Variants in LRP1 observed in about 807,000 individuals in gnomAD.
LRP1 encodes LDL receptor related protein 1, also known as prolow-density lipoprotein receptor-related protein 1.
In LRP1, 51 loss-of-function variants were observed where a neutral mutation model predicts 541.5. The ratio of observed to expected loss-of-function variants is 0.09; its 90% CI spans 0.08 to 0.12. LRP1 has a LOEUF of 0.12. Among genes scored for constraint, LRP1 ranks in the 10% least tolerant of loss-of-function variants. The pLI, the probability that LRP1 is intolerant of heterozygous loss-of-function variation, is 1.00. For synonymous variants in LRP1, 2,219 were observed against 2,470.8 expected, an observed-to-expected ratio of 0.90 and a Z score of 3.02; for missense variants, 3,878 against 6,376.2, an observed-to-expected ratio of 0.61 and a Z score of 13.34.
Position 57,167,522 on chromosome 12 carries a change from A to C in LRP1, c.2993A>C (p.Asn998Thr). ...RCININWRCD[N>T]DNDCGDNSDE... The stretch of plus-strand genomic sequence containing the variant: ...ATCAACATCAACTGGAGATGCGACA[A>C]TGGTAAGAGCTTGCTCTCCTCACCT... The change falls in exon 19 of 89, where the codon AAT becomes ACT. Residue 998 changes from asparagine (N) to threonine (T), a missense_variant and splice_region_variant. By Grantham distance (65) the Asn-to-Thr change is moderately conservative. Transcript: ENST00000243077. 1 of 1,613,424 alleles carries C rather than the reference A, an allele frequency of 6.2e-7. No homozygotes were observed. The highest frequency in any genetic ancestry group is 8.5e-7 in the Non-Finnish European group (1 of 1,179,330).
At position 57,154,423 on chromosome 12, in the gene LRP1, A is replaced by G; in HGVS notation, c.1004+53A>G. 2.5e-6 allele frequency: 4 copies of G among 1,604,044 alleles called. No homozygotes were observed. The South Asian group carries it at 4.4e-5, about 18-fold the overall frequency. On this transcript the variant is annotated intron_variant, in intron 7 of 88. Coordinates refer to ENST00000243077, the MANE Select transcript of LRP1 (RefSeq NM_002332.3). The surrounding 1 kb of genome is among the most constrained non-coding windows in gnomAD (Gnocchi z 4.6). ...CTGGAAGGTGGGAGGCTGAGGCTAC[A>G]GTGGTAAGGAGGGTGCCCAATGTCC...
rs1050765087 is a variant in LRP1, at chr12:57,204,338, C to T, written c.10952-72C>T. On this transcript the variant is annotated intron_variant, in intron 70 of 88. Coordinates refer to ENST00000243077, the MANE Select transcript of LRP1 (RefSeq NM_002332.3). This position sits in a 1 kb window ranked among gnomAD's most constrained non-coding sequence, Gnocchi z 5.3. The stretch of plus-strand genomic sequence containing the variant: ...CCTGGTGACCCCTCTGAGCCTGGAA[C>T]CCCCACCTGTGGAGACAGGGGTCTG... The T allele has an allele frequency of 3.4e-6, 5 of 1,450,770 alleles. No individual in the cohort carries two copies. The highest frequency in any genetic ancestry group is 3.6e-6 in the Non-Finnish European group (4 of 1,095,972). The allele number at this position is 1,450,770 out of a possible 1,614,324, so 89.9% of individuals were successfully genotyped here.
In LRP1 at chr12:57,189,010, G is replaced by T. The variant is rs1311208921; in HGVS notation, c.7031+1554G>T. Among the ~76,000 whole-genome samples, 1 of 152,214 alleles carries T rather than the reference G, an allele frequency of 6.6e-6. No individual in the cohort carries two copies. The highest frequency in any genetic ancestry group is 1.9e-4 in the East Asian group (1 of 5,190). Reference sequence around the variant, plus strand: ...GTGGACCCCAGTGGAGAGGGCAGGGGCAAGTGGAGACTCCAACAACCCAGC... The same window carrying T: ...GTGGACCCCAGTGGAGAGGGCAGGGTCAAGTGGAGACTCCAACAACCCAGC... On this transcript the variant is annotated intron_variant, in intron 42 of 88. Coordinates refer to ENST00000243077, the MANE Select transcript of LRP1 (RefSeq NM_002332.3). This position sits in a 1 kb window ranked among gnomAD's most constrained non-coding sequence, Gnocchi z 4.4.
chr12:57,207,919 A>T, intron 76 of LRP1, 119 bp from the exon 77 acceptor site: 2 of 1,154,360 alleles, frequency 1.7e-6, no homozygotes, highest in Non-Finnish European at 2.5e-6. Context: ...GAATCTCTTT[A>T]AAGCCAGGGT....
rs961049125 is a variant in LRP1 at position 57,129,196 on chromosome 12, T to C, written c.67+165T>C. The C allele has an allele frequency of 7.9e-5, 56 of 712,634 alleles. No homozygotes were observed. In the African/African-American group the frequency reaches 9.0e-4, roughly 11 times the overall value. The allele number at this position is 712,634 out of a possible 1,614,324, so 44.1% of individuals were successfully genotyped here. A position where few individuals can be genotyped will look rare whatever the true frequency, so the allele number is the denominator to read the frequency against. ...ACTGGGGGCGGGGATGGGGTCCGAT[T>C]TGGGGGATGGGGGCCCTGGGCAAAT... On this transcript the variant is annotated intron_variant, in intron 1 of 88. Transcript: ENST00000243077.
At chr12:57,187,174 A>T in intron 41 of LRP1, 93 bp from the exon 42 acceptor site, 1 of 1,333,070 alleles carries the variant, frequency 7.5e-7, no homozygotes, top group East Asian at 2.4e-5. Context: ...CCTTCCAGCC[A>T]GGAGAGCACC....
chr12:57,201,585 C>T lies in LRP1; in HGVS notation c.10434C>T (p.Asp3478=), dbSNP rs35617674. The T allele has an allele frequency of 1.7e-3, 2,688 of 1,614,056 alleles. 32 individuals are homozygous for T. In the African/African-American group the frequency reaches 0.031, roughly 19 times the overall value. Residue 3478 remains aspartate, a synonymous_variant, in exon 66 of 89, where the codon GAC becomes GAT. Transcript: ENST00000243077. The surrounding 1 kb of genome is among the most constrained non-coding windows in gnomAD (Gnocchi z 6.4). ...TCTGGGTCTGCGACCGGGACAATGACTGTGTGGATGGCAGTGATGAGCCCG... is the reference window on the plus strand; with the variant it reads ...TCTGGGTCTGCGACCGGGACAATGATTGTGTGGATGGCAGTGATGAGCCCG... ...PRVWVCDRDN[D]CVDGSDEPAN... is the part of the protein sequence containing the mutation.
chr12:57,145,764 G>A (rs1011214400), intron 6 of LRP1, among the ~76,000 whole-genome samples: 1 of 152,190 alleles, frequency 6.6e-6, no homozygotes, highest in Admixed American at 6.5e-5. Context: ...ACCAGGGACT[G>A]TCCCTTCTCT....
rs1308706207 is a variant in LRP1, at chr12:57,183,356, C to A, written c.5663-23C>A. The A allele has an allele frequency of 6.3e-7, 1 of 1,590,472 alleles. No homozygotes were observed. The highest frequency in any genetic ancestry group is 1.3e-5 in the African/African-American group (1 of 74,464). On this transcript the variant is annotated intron_variant, in intron 34 of 88. Transcript: ENST00000243077. This position sits in a 1 kb window ranked among gnomAD's most constrained non-coding sequence, Gnocchi z 6.1. ...TAAGGGAGTGTTGGCGATACCCATGCCTTAAGTTTCCTTGTCTTTCAGGCG... is the reference window on the plus strand; with the variant it reads ...TAAGGGAGTGTTGGCGATACCCATGACTTAAGTTTCCTTGTCTTTCAGGCG...
chr12:57,145,610 C>A, intron 6 of LRP1, 120 bp downstream of exon 6: 4 of 1,298,618 alleles, frequency 3.1e-6, no homozygotes, highest in South Asian at 1.3e-5. Flanking sequence ...GCAGGAGAAG[C>A]AGGAGGCTGG....
At chr12:57,134,926 C>T (rs1452390695) in intron 1 of LRP1, among the ~76,000 whole-genome samples, 1 of 152,194 alleles carries the variant, frequency 6.6e-6, no homozygotes, top group African/African-American at 2.4e-5. Context: ...AGGATGGTCT[C>T]GATCTCCTGA....
At chr12:57,155,917 C>T (rs567363291) in intron 8 of LRP1, among the ~76,000 whole-genome samples, 177 bp from the exon 9 acceptor site, 65 of 152,216 alleles carry the variant, frequency 4.3e-4, no homozygotes, top group African/African-American at 1.5e-3. Flanking sequence ...TGCCATTGCA[C>T]TTCAGCCTGG....
chr12:57,208,457 GCACAGC>G (rs2036834602), intron 77 of LRP1: 5 of 597,676 alleles, frequency 8.4e-6, no homozygotes, highest in African/African-American at 3.7e-5. Flanking sequence ...CGGCTGTCAT[GCACAGC>G]CACACTCTGC....
chr12:57,187,596 G>A, intron 42 of LRP1, 140 bp downstream of exon 42: 1 of 842,214 alleles, frequency 1.2e-6, no homozygotes. Context: ...TGTGATCTGG[G>A]GAGAGGTGCA....
chr12:57,194,870 G>GC (rs946968166), intron 50 of LRP1, 115 bp from the exon 51 acceptor site: 46 of 1,164,424 alleles, frequency 4.0e-5, no homozygotes, highest in Non-Finnish European at 2.0e-5. Flanking sequence ...CTGCTGCTGA[G>GC]CCCCCCCACA....
rs770835498 is a variant in LRP1, at chr12:57,194,303, G to C, written c.7919-51G>C. The C allele has an allele frequency of 4.7e-6, 7 of 1,500,844 alleles. No individual in the cohort carries two copies. In the East Asian group the frequency reaches 1.1e-4, roughly 25 times the overall value. The allele number at this position is 1,500,844 out of a possible 1,614,324, so 93.0% of individuals were successfully genotyped here. On this transcript the variant is annotated intron_variant, in intron 48 of 88. Coordinates refer to ENST00000243077, the MANE Select transcript of LRP1 (RefSeq NM_002332.3). Reference sequence around the variant, plus strand: ...CATAGGGCTGGCAGCTGCCCCAGTCGGGGGTGATCCAGGGGGAACCAGGTA... The same window carrying C: ...CATAGGGCTGGCAGCTGCCCCAGTCCGGGGTGATCCAGGGGGAACCAGGTA...
Position 57,158,535 on chromosome 12 carries a change from C to T in LRP1, c.1695C>T (p.Asp565=). 2 of 1,614,220 alleles carry T rather than the reference C, an allele frequency of 1.2e-6. No individual in the cohort carries two copies. The highest frequency in any genetic ancestry group is 1.7e-6 in the Non-Finnish European group (2 of 1,180,030). The stretch of plus-strand genomic sequence containing the variant: ...ACCTCATGAACCCCCGAGCCCTGGA[C>T]TTCCACGCTGAGACCGGCTTCATCT... ...IENLMNPRAL[D]FHAETGFIYF... The change falls in exon 11 of 89, where the codon GAC becomes GAT. Residue 565 remains aspartate (D), a synonymous_variant. Transcript: ENST00000243077. This position sits in a 1 kb window ranked among gnomAD's most constrained non-coding sequence, Gnocchi z 5.3.
chr12:57,206,582 C>G lies in LRP1; in HGVS notation c.11700C>G (p.Val3900=). The G allele has an allele frequency of 1.2e-6, 2 of 1,614,230 alleles. No individual in the cohort carries two copies. The highest frequency in any genetic ancestry group is 1.7e-6 in the Non-Finnish European group (2 of 1,180,050). ...YEQAFQGDES[V]RIDAMDVHVK... Reference sequence around the variant, plus strand: ...AGGCATTCCAGGGTGACGAGAGTGTCCGCATTGATGCTATGGATGTCCATG... The same window carrying G: ...AGGCATTCCAGGGTGACGAGAGTGTGCGCATTGATGCTATGGATGTCCATG... The change falls in exon 76 of 89, where the codon GTC becomes GTG. Residue 3900 remains valine (V), a synonymous_variant. Coordinates refer to ENST00000243077, the MANE Select transcript of LRP1 (RefSeq NM_002332.3). This position sits in a 1 kb window ranked among gnomAD's most constrained non-coding sequence, Gnocchi z 4.7.
chr12:57,185,160 G>A lies in LRP1; in HGVS notation c.6418G>A (p.Val2140Ile), dbSNP rs970622181. ...CGTGCCCCTGCGAACCGGCATCGGC[G>A]TCCAGCTTAAAGACATCAAAGTCTT... ...DSVPLRTGIG[V>I]QLKDIKVFNR... The change falls in exon 40 of 89, where the codon GTC (valine) becomes ATC (isoleucine). Residue 2140 changes from valine to isoleucine, a missense_variant. Coordinates refer to ENST00000243077, the MANE Select transcript of LRP1 (RefSeq NM_002332.3). The surrounding 1 kb of genome is among the most constrained non-coding windows in gnomAD (Gnocchi z 4.9). The A allele has an allele frequency of 1.1e-5, 18 of 1,614,026 alleles. No homozygotes were observed. Among genetic ancestry groups the A allele is most frequent in the Non-Finnish European group, 1.4e-5 (16 of 1,180,030 alleles).
Sources: gnomAD v4.1 joint callset for allele counts (sites outside exome capture counted in the v4.1 genomes callset) on GRCh38, gnomAD v4.1.1 for gene constraint, Gnocchi (gnomAD v3.1) non-coding constraint, MANE v1.5 for transcripts, NCBI Gene and HGNC (gene_info 2026-07-23, HGNC 2026-07-21) for gene names.